The following TXNL1 variants were observed in gnomAD, a reference collection of about 807,000 sequenced individuals.
TXNL1 encodes thioredoxin like 1, also known as thioredoxin-like protein 1.
TXNL1 carries 14 observed loss-of-function variants against 35.5 expected under a neutral mutation model. The observed-to-expected ratio is 0.39, with a 90% CI of 0.26 to 0.62. The LOEUF is 0.62. Ranked by LOEUF, TXNL1 falls within the 20% of genes least tolerant of loss-of-function variation. The pLI is 0.47. For missense variants in TXNL1, 263 were observed against 349.7 expected (o/e 0.75, Z 1.98); for synonymous variants, 110 against 115.5 (o/e 0.95, Z 0.31).
chr18:56,617,856 A>G lies in TXNL1; in HGVS notation c.492+148T>C, dbSNP rs536412009. ...AGGTGGGTATGTATGGTCAAAAAAC[A>G]AAAGTCAAAGAAACTAAAAGCTATA... On this transcript the variant is annotated intron_variant, in intron 4 of 7. Coordinates refer to ENST00000217515, the MANE Select transcript of TXNL1 (RefSeq NM_004786.3). The G allele has an allele frequency of 4.5e-3, 5,070 of 1,131,446 alleles. 15 individuals carry two copies. The highest frequency in any genetic ancestry group is 5.8e-3 in the Non-Finnish European group (4,657 of 806,818). 70.1% of individuals were successfully genotyped at this position (1,131,446 alleles called of 1,614,324 possible).
At chr18:56,624,559 A>G (rs1156461875) in intron 2 of TXNL1, 98 bp from the exon 3 acceptor site, 1 of 1,315,870 alleles carries the variant, frequency 7.6e-7, no homozygotes, top group African/African-American at 1.5e-5. Flanking sequence ...ATAAGCATGA[A>G]CTAAAAACAT....
chr18:56,604,300 T>C (rs2023854840), intron 7 of TXNL1: 1 of 152,186 alleles, frequency 6.6e-6, no homozygotes. Flanking sequence ...TGATAAACAC[T>C]GAGAGCATTA....
chr18:56,597,525 T>A lies in TXNL1; in HGVS notation c.*5502A>T, dbSNP rs1474666522. On this transcript the variant is annotated 3_prime_UTR_variant, in exon 8 of 8. Transcript: ENST00000217515. The stretch of plus-strand genomic sequence containing the variant: ...ATTTGAAGATGGTGACTGCTCCCTC[T>A]TGGATTCATTAACACTACTTTATTA... 1.3e-5 allele frequency: 2 copies of A among 152,228 alleles called. No individual in the cohort carries two copies. The highest frequency in any genetic ancestry group is 1.5e-5 in the Non-Finnish European group (1 of 68,046). The allele number at this position is 152,228 out of a possible 1,614,324, so 9.4% of individuals were successfully genotyped here.
At chr18:56,611,175 T>G in intron 6 of TXNL1, 78 bp from the exon 7 acceptor site, 1 of 960,544 alleles carries the variant, frequency 1.0e-6, no homozygotes. Flanking sequence ...TTTCCTTAAA[T>G]TAATAACATA....
intron 1 of TXNL1, among the ~76,000 whole-genome samples, chr18:56,629,514 G>C (rs1472604728): frequency 1.3e-5 from 2 of 152,168 alleles, no homozygotes; most frequent in Non-Finnish European, 2.9e-5. Flanking sequence ...ATACTTTGCA[G>C]TGTTTAGGGG....
chr18:56,629,045 C>T (rs905669343), intron 1 of TXNL1, among the ~76,000 whole-genome samples: 5 of 152,160 alleles, frequency 3.3e-5, no homozygotes, highest in African/African-American at 1.2e-4. Flanking sequence ...CTGATTGGGT[C>T]ATATCTATTC....
chr18:56,617,898 G>A, intron 4 of TXNL1, 106 bp downstream of exon 4: 1 of 1,366,954 alleles, frequency 7.3e-7, no homozygotes, highest in South Asian at 1.4e-5. Flanking sequence ...AAAGGAAGAA[G>A]TGATCATCTG....
At chr18:56,606,367 A>C (rs2023893603) in intron 7 of TXNL1, among the ~76,000 whole-genome samples, 1 of 152,076 alleles carries the variant, frequency 6.6e-6, no homozygotes, top group African/African-American at 2.4e-5. Flanking sequence ...ACAGAGCAAG[A>C]CTCCGTCTCA....
At chr18:56,607,107 A>G (rs1288405526) in intron 7 of TXNL1, among the ~76,000 whole-genome samples, 1 of 151,678 alleles carries the variant, frequency 6.6e-6, no homozygotes, top group Non-Finnish European at 1.5e-5. Flanking sequence ...TTCCCACCTC[A>G]GCCTCCCAGG....
chr18:56,624,204 G>GAAACATAGTTTCCAT, intron 3 of TXNL1, 84 bp downstream of exon 3: 1 of 1,396,532 alleles, frequency 7.2e-7, no homozygotes. Flanking sequence ...ATAGAAGATG[G>GAAACATAGTTTCCAT]AAACATAGTT....
chr18:56,603,262 C>T (rs1470511216), intron 7 of TXNL1, among the ~76,000 whole-genome samples: 2 of 133,328 alleles, frequency 1.5e-5, no homozygotes, highest in Non-Finnish European at 3.3e-5. Context: ...CACATGCAGG[C>T]TATTTTTGGT....
intron 1 of TXNL1, among the ~76,000 whole-genome samples, chr18:56,631,383 C>T (rs1324265196): frequency 2.6e-5 from 4 of 152,134 alleles, no homozygotes; most frequent in South Asian, 2.1e-4. Flanking sequence ...CTTGCACACA[C>T]CTTGATTAGC....
At chr18:56,614,083 A>G (rs188622918) in intron 6 of TXNL1, among the ~76,000 whole-genome samples, 1 of 152,314 alleles carries the variant, frequency 6.6e-6, no homozygotes, top group Admixed American at 6.5e-5. Flanking sequence ...AGAAAAGTAA[A>G]TAAGATTTTA....
In TXNL1 at chr18:56,602,859, G is replaced by T. The variant is rs938392638; in HGVS notation, c.*168C>A. On this transcript the variant is annotated 3_prime_UTR_variant, in exon 8 of 8. Coordinates refer to ENST00000217515, the MANE Select transcript of TXNL1 (RefSeq NM_004786.3). ...AAAGTGGTGACTTTTATTTACAATT[G>T]CATGTGTCAAGATTACAATGGAAAC... 1 of 734,660 alleles carries T rather than the reference G, an allele frequency of 1.4e-6. No individual in the cohort carries two copies. Among genetic ancestry groups the T allele is most frequent in the East Asian group, 2.8e-5 (1 of 35,920 alleles). 45.5% of individuals were successfully genotyped at this position (734,660 alleles called of 1,614,324 possible).
chr18:56,610,740 C>T (rs1598913246), intron 7 of TXNL1: 4 of 227,208 alleles, frequency 1.8e-5, no homozygotes, highest in South Asian at 1.0e-4. Context: ...TTATTTTTAC[C>T]CTTATGTTGA....
chr18:56,614,649 C>T (rs1264362112), intron 5 of TXNL1, 53 bp from the exon 6 acceptor site: 8 of 1,412,270 alleles, frequency 5.7e-6, no homozygotes, highest in African/African-American at 1.4e-5. Flanking sequence ...ATATACTATA[C>T]TCCCTTTACC....
intron 5 of TXNL1, among the ~76,000 whole-genome samples, chr18:56,615,480 C>T (rs77559306): frequency 8.0e-6 from 1 of 124,856 alleles, no homozygotes; most frequent in African/African-American, 2.9e-5. Context: ...TGGGGGGGGG[C>T]AAAAAAGGAA....
At chr18:56,636,044 C>T (rs2024449875) in intron 1 of TXNL1, among the ~76,000 whole-genome samples, 3 of 151,928 alleles carry the variant, frequency 2.0e-5, no homozygotes, top group African/African-American at 4.8e-5. Flanking sequence ...TGGTTCAATC[C>T]ATGGATACAG....
intron 7 of TXNL1, chr18:56,604,298 A>G (rs2144273818): frequency 6.6e-6 from 1 of 152,354 alleles, no homozygotes; most frequent in Non-Finnish European, 1.5e-5. Context: ...GCTGATAAAC[A>G]CTGAGAGCAT....
Sources: allele counts gnomAD v4.1 joint callset (sites outside exome capture counted in the v4.1 genomes callset), GRCh38; gene constraint gnomAD v4.1.1; transcripts MANE v1.5; gene names NCBI Gene and HGNC (gene_info 2026-07-23, HGNC 2026-07-21).